XKR6: variants seen among roughly 807,000 people sequenced by gnomAD.
The protein encoded by XKR6 is XK-related protein 6.
XKR6 carries 22 observed loss-of-function variants against 56.7 expected under a neutral mutation model. That is an observed-to-expected ratio of 0.39 (90% CI 0.28 to 0.55). The LOEUF (loss-of-function observed/expected upper bound fraction) is 0.55. Ranked by LOEUF, XKR6 falls within the 20% of genes least tolerant of loss-of-function variation. The pLI, the probability that XKR6 is intolerant of heterozygous loss-of-function variation, is 0.66. For synonymous variants in XKR6, 524 were observed against 387.8 expected (o/e 1.35, Z -4.13); for missense variants, 852 against 889.0 (o/e 0.96, Z 0.53).
In XKR6 at chr8:11,119,121, G is replaced by C. The variant is rs371450889; in HGVS notation, c.764+81455C>G. 3.3e-5 allele frequency among the ~76,000 whole-genome samples: 5 copies of C among 152,216 alleles called. No homozygotes were observed. The East Asian group carries it at 9.6e-4, about 29-fold the overall frequency. On this transcript the variant is annotated intron_variant, in intron 1 of 2. Transcript: ENST00000416569. ...AGTTTCCATGTAGTTGAGCAGTTTT[G>C]AGTGAGTTTCTTAATCCTGAGTTCT... is the stretch of plus-strand genomic sequence containing the variant.
intron 1 of XKR6, among the ~76,000 whole-genome samples, chr8:10,953,359 C>T (rs1466073639): frequency 6.6e-6 from 1 of 152,096 alleles, no homozygotes; most frequent in Non-Finnish European, 1.5e-5. Context: ...TTCTCTTGCT[C>T]CTGCTCCCAC....
intron 1 of XKR6, among the ~76,000 whole-genome samples, chr8:11,096,256 G>C (rs893131505): frequency 6.6e-6 from 1 of 152,118 alleles, no homozygotes; most frequent in African/African-American, 2.4e-5. Context: ...ATAAGAAACA[G>C]GCTAAAAGTT....
At chr8:11,014,744 T>C (rs185623694) in intron 1 of XKR6, among the ~76,000 whole-genome samples, 1 of 152,162 alleles carries the variant, frequency 6.6e-6, no homozygotes, top group East Asian at 1.9e-4. Context: ...CAGAAGACCG[T>C]GAGAAAAAGC....
rs1799967730 is a variant in XKR6 at position 10,899,155 on chromosome 8, G to T, written c.962-239C>A. ...CATTTTGGGAGCTCAGTAGCTCAAG[G>T]GTGATACTGAGCCAGTGTGTTTTGC... On this transcript the variant is annotated intron_variant, in intron 2 of 2. Coordinates refer to ENST00000416569, the MANE Select transcript of XKR6 (RefSeq NM_173683.4). 2.0e-5 allele frequency among the ~76,000 whole-genome samples: 3 copies of T among 152,204 alleles called. No individual in the cohort carries two copies. In the South Asian group the frequency reaches 6.2e-4, roughly 32 times the overall value.
At chr8:11,195,040 C>T (rs1408057927) in intron 1 of XKR6, 1 of 668,040 alleles carries the variant, frequency 1.5e-6, no homozygotes, top group East Asian at 2.7e-5. Context: ...ATGTTCTCTT[C>T]TTATTCATTC....
At chr8:10,984,260 C>T (rs74472837) in intron 1 of XKR6, among the ~76,000 whole-genome samples, 2,845 of 152,216 alleles carry the variant, frequency 0.019, 64 homozygotes, top group African/African-American at 0.049. Context: ...ATTCAACATC[C>T]ATTCTCAATC....
At chr8:11,047,345 G>T (rs1351412335) in intron 1 of XKR6, among the ~76,000 whole-genome samples, 3 of 152,206 alleles carry the variant, frequency 2.0e-5, no homozygotes, top group African/African-American at 7.2e-5. Context: ...TAACACAAAA[G>T]ATATGTTAAG....
At chr8:11,053,037 C>T (rs1354947863) in intron 1 of XKR6, among the ~76,000 whole-genome samples, 1 of 152,184 alleles carries the variant, frequency 6.6e-6, no homozygotes, top group Non-Finnish European at 1.5e-5. Context: ...GTGGGAGGGG[C>T]TGAAGCCCAG....
intron 2 of XKR6, among the ~76,000 whole-genome samples, chr8:10,902,520 TG>T (rs1240022825): frequency 3.9e-5 from 6 of 152,192 alleles, no homozygotes; most frequent in Non-Finnish European, 8.8e-5. Context: ...CTGGTCCCTC[TG>T]TCAGTTCAGC....
intron 1 of XKR6, among the ~76,000 whole-genome samples, chr8:10,949,811 C>G (rs531713122): frequency 1.3e-5 from 2 of 152,214 alleles, no homozygotes; most frequent in Admixed American, 6.5e-5. Context: ...GGGGAGGGTA[C>G]GAGGAAGATT....
At chr8:11,155,562 C>T (rs1202098466) in intron 1 of XKR6, among the ~76,000 whole-genome samples, 1 of 152,196 alleles carries the variant, frequency 6.6e-6, no homozygotes, top group African/African-American at 2.4e-5. Flanking sequence ...TAGCTTTACT[C>T]TTCCTTCAAG....
intron 1 of XKR6, among the ~76,000 whole-genome samples, chr8:10,928,533 C>T (rs996277875): frequency 2.0e-4 from 31 of 152,232 alleles, no homozygotes; most frequent in African/African-American, 7.2e-4. Flanking sequence ...TGGGTGACCT[C>T]TGAGGCTGCG....
At chr8:11,098,120 T>C (rs1480908751) in intron 1 of XKR6, among the ~76,000 whole-genome samples, 1 of 152,076 alleles carries the variant, frequency 6.6e-6, no homozygotes, top group African/African-American at 2.4e-5. Flanking sequence ...TGGCTTCGAC[T>C]TCCGGCTTGT....
chr8:11,155,703 A>G (rs1480973099), intron 1 of XKR6, among the ~76,000 whole-genome samples: 3 of 152,200 alleles, frequency 2.0e-5, no homozygotes, highest in African/African-American at 7.2e-5. Context: ...CTGGCACTAC[A>G]GAAGTCTCAA....
chr8:11,150,191 A>G (rs975965498), intron 1 of XKR6, among the ~76,000 whole-genome samples: 2 of 152,180 alleles, frequency 1.3e-5, no homozygotes, highest in Non-Finnish European at 2.9e-5. Context: ...TATAGTTAAC[A>G]ACAATGTTTT....
chr8:11,105,648 T>G (rs991437654), intron 1 of XKR6: 1 of 152,240 alleles, frequency 6.6e-6, no homozygotes, highest in Non-Finnish European at 1.5e-5. Flanking sequence ...TTAATTCACG[T>G]GGATTTTTTA....
chr8:11,154,658 T>A (rs1224348875), intron 1 of XKR6, among the ~76,000 whole-genome samples: 1 of 152,224 alleles, frequency 6.6e-6, no homozygotes, highest in Non-Finnish European at 1.5e-5. Flanking sequence ...GTTTGGCTAA[T>A]GCTGGAAAGG....
chr8:11,193,121 G>A (rs1471140623), intron 1 of XKR6, among the ~76,000 whole-genome samples: 3 of 152,192 alleles, frequency 2.0e-5, no homozygotes, highest in Non-Finnish European at 4.4e-5. Flanking sequence ...AGAGGGTGGT[G>A]AAGAAAACAA....
At chr8:11,192,492 C>G (rs74697716) in intron 1 of XKR6, among the ~76,000 whole-genome samples, 8,340 of 151,930 alleles carry the variant, frequency 0.055, 258 homozygotes, top group South Asian at 0.11. Flanking sequence ...GCACACGCCT[C>G]AAGCCCCAGC....
Sources: gnomAD v4.1 joint callset for allele counts (sites outside exome capture counted in the v4.1 genomes callset) on GRCh38, gnomAD v4.1.1 for gene constraint, MANE v1.5 for transcripts, NCBI Gene and HGNC (gene_info 2026-07-23, HGNC 2026-07-21) for gene names.